The following IL4R variants were observed in gnomAD, a reference collection of about 807,000 sequenced individuals.
The protein encoded by IL4R is interleukin 4 receptor, also known as interleukin-4 receptor subunit alpha.
A neutral mutation model predicts 41.5 loss-of-function variants in IL4R; 17 were observed. That is an observed-to-expected ratio of 0.41 (90% CI 0.28 to 0.61). The LOEUF (loss-of-function observed/expected upper bound fraction) is 0.61. Ranked by LOEUF, IL4R falls within the 20% of genes least tolerant of loss-of-function variation. IL4R has a pLI of 0.31. For missense variants in IL4R, 974 were observed against 1,043.1 expected (o/e 0.93, Z 0.91); for synonymous variants, 402 against 422.9 (o/e 0.95, Z 0.61).
Position 27,362,537 on chromosome 16 carries a change from C to G in IL4R, c.1185C>G (p.Phe395Leu), listed in dbSNP as rs754878179. ...CGCCTGAGAGCAGCAGGGATGACTTCCAGGAGGGAAGGGAGGGCATTGTGG... is the reference window on the plus strand; with the variant it reads ...CGCCTGAGAGCAGCAGGGATGACTTGCAGGAGGGAAGGGAGGGCATTGTGG... ...CASPESSRDD[F>L]QEGREGIVAR... Residue 395 changes from phenylalanine to leucine, a missense_variant, in exon 11 of 11, where the codon TTC (phenylalanine) becomes TTG (leucine). Physicochemically the swap from Phe to Leu is conservative, Grantham distance 22. Transcript: ENST00000395762. 1.2e-6 allele frequency: 2 copies of G among 1,614,116 alleles called. No individual in the cohort carries two copies. The highest frequency in any genetic ancestry group is 1.7e-6 in the Non-Finnish European group (2 of 1,180,024).
chr16:27,342,233 G>T lies in IL4R; in HGVS notation c.183G>T (p.Leu61Phe), dbSNP rs763342416. ...PTNCSTELRL[L>F]YQLVFLLSEA... ...ATTGCAGCACCGAGCTCCGCCTGTT[G>T]TACCAGCTGGTTTTTCTGCTCTCCG... Residue 61 changes from leucine to phenylalanine, a missense_variant, in exon 4 of 11, where the codon TTG becomes TTT. This residue lies in a region of IL4R where 284 missense variants were observed against 313.4 expected (regional missense o/e 0.91). Coordinates refer to ENST00000395762, the MANE Select transcript of IL4R (RefSeq NM_000418.4). 5.6e-6 allele frequency: 9 copies of T among 1,614,230 alleles called. No individual in the cohort carries two copies. The East Asian group carries it at 1.6e-4, about 28-fold the overall frequency.
intron 6 of IL4R, among the ~76,000 whole-genome samples, chr16:27,346,998 C>G (rs946419048): frequency 2.0e-5 from 3 of 152,210 alleles, no homozygotes; most frequent in African/African-American, 7.2e-5. Context: ...TGACCCGTGT[C>G]AGTTCCCTTT....
rs559112235 is a variant in IL4R, at chr16:27,352,449, A to C, written c.514-91A>C. 125 of 1,057,256 alleles carry C rather than the reference A, an allele frequency of 1.2e-4. 2 individuals are homozygous for C. In the South Asian group the frequency reaches 1.7e-3, roughly 14 times the overall value. The allele number at this position is 1,057,256 out of a possible 1,614,324, so 65.5% of individuals were successfully genotyped here. ...ATACCCAGGCTGGTGGCTCTTAAAC[A>C]TGGTGGGGTCAGCTAACGACAGCAA... is the stretch of plus-strand genomic sequence containing the variant. On this transcript the variant is annotated intron_variant, in intron 6 of 10. Transcript: ENST00000395762.
At chr16:27,359,722 C>T (rs190835354) in intron 9 of IL4R, 1 of 440,818 alleles carries the variant, frequency 2.3e-6, no homozygotes, top group African/African-American at 2.0e-5. Context: ...ACAGTGTTTA[C>T]CTGGTAGGAC....
Position 27,363,655 on chromosome 16 carries a change from G to T in IL4R, c.2303G>T (p.Gly768Val). The T allele has an allele frequency of 6.2e-7, 1 of 1,613,828 alleles. No homozygotes were observed. The highest frequency in any genetic ancestry group is 8.5e-7 in the Non-Finnish European group (1 of 1,179,940). ...AGGGCCCCAGACCCCTCTCCAGGTGGGGTTCCACTGGAGGCCAGTCTGTGT... is the reference window on the plus strand; with the variant it reads ...AGGGCCCCAGACCCCTCTCCAGGTGTGGTTCCACTGGAGGCCAGTCTGTGT... ...PLRAPDPSPG[G>V]VPLEASLCPA... Residue 768 changes from glycine (G) to valine (V), a missense_variant, in exon 11 of 11, where the codon GGG becomes GTG. Physicochemically the swap from Gly to Val is moderately radical, Grantham distance 109 (BLOSUM62 -3). Around this residue, in one of 3 missense-constraint regions of IL4R, gnomAD observed 682 missense variants for 704.3 expected, o/e 0.97. Coordinates refer to ENST00000395762, the MANE Select transcript of IL4R (RefSeq NM_000418.4).
chr16:27,351,648 G>T (rs1343255066), intron 6 of IL4R, among the ~76,000 whole-genome samples: 4 of 151,938 alleles, frequency 2.6e-5, no homozygotes, highest in Non-Finnish European at 5.9e-5. Context: ...CTGAGTAGCT[G>T]GGATTACAGG....
intron 2 of IL4R, among the ~76,000 whole-genome samples, chr16:27,335,093 T>A (rs1294609011): frequency 2.6e-5 from 4 of 152,068 alleles, no homozygotes; most frequent in Admixed American, 6.6e-5. Context: ...GGTGTACATT[T>A]GTCTGACGTT....
chr16:27,327,040 T>C (rs2084974677), intron 1 of IL4R, among the ~76,000 whole-genome samples: 1 of 152,068 alleles, frequency 6.6e-6, no homozygotes, highest in South Asian at 2.1e-4. Context: ...TCTGGGCTGG[T>C]TTCTTATAAG....
At chr16:27,358,182 C>T (rs1438318318) in intron 8 of IL4R, among the ~76,000 whole-genome samples, 1 of 152,250 alleles carries the variant, frequency 6.6e-6, no homozygotes, top group African/African-American at 2.4e-5. Flanking sequence ...GCGTGAGCCA[C>T]CATGCCTGGC....
At chr16:27,327,307 T>TCCGCCCCCTGCCCC in intron 1 of IL4R, among the ~76,000 whole-genome samples, 1 of 152,026 alleles carries the variant, frequency 6.6e-6, no homozygotes, top group South Asian at 2.1e-4. Context: ...CCCCCAGTCC[T>TCCGCCCCCTGCCCC]CCGCCCCCTG....
Position 27,338,025 on chromosome 16 carries a change from C to T in IL4R, c.-18-2161C>T, listed in dbSNP as rs1429093190. On this transcript the variant is annotated intron_variant, in intron 2 of 10. Transcript: ENST00000395762. Reference sequence around the variant, plus strand: ...AGGCTGGAGTGCAATGGCATGGTCTCGGCTCGCTGCAACCTCCGCCTCCTG... The same window carrying T: ...AGGCTGGAGTGCAATGGCATGGTCTTGGCTCGCTGCAACCTCCGCCTCCTG... Among the ~76,000 whole-genome samples the T allele has an allele frequency of 5.4e-5, 8 of 148,734 alleles. No individual in the cohort carries two copies. In the East Asian group the frequency reaches 7.9e-4, roughly 15 times the overall value.
chr16:27,339,375 A>G (rs954729078), intron 2 of IL4R, among the ~76,000 whole-genome samples: 1 of 152,074 alleles, frequency 6.6e-6, no homozygotes, highest in Non-Finnish European at 1.5e-5. Context: ...TATATGGACT[A>G]AGCTGACTTG....
rs746566650 is a variant in IL4R, at chr16:27,340,209, G to T, written c.6G>T (p.Gly2=). 1.2e-6 allele frequency: 2 copies of T among 1,613,648 alleles called. No individual in the cohort carries two copies. Among genetic ancestry groups the T allele is most frequent in the Non-Finnish European group, 1.7e-6 (2 of 1,179,910 alleles). The part of the protein sequence containing the change: M[G]WLCSGLLFPV... ...AGGTGCCTTGGCATCTCCCAATGGG[G>T]TGGCTTTGCTCTGGGCTCCTGTTCC... The change falls in exon 3 of 11, where the codon GGG becomes GGT. Residue 2 remains glycine (G), a synonymous_variant. Coordinates refer to ENST00000395762, the MANE Select transcript of IL4R (RefSeq NM_000418.4).
Position 27,352,688 on chromosome 16 carries a change from G to A in IL4R, c.662G>A (p.Trp221Ter), listed in dbSNP as rs1450374893. The change falls in exon 7 of 11, where the codon TGG (tryptophan) becomes TAG (stop). Residue 221 changes from tryptophan (W) to a stop codon, truncating the protein, a stop_gained. Transcript: ENST00000395762. LOFTEE classifies it high-confidence loss of function. The part of the protein sequence containing the change: ...TWSEWSPSTK[W>*]HNSYREPFEQ... ...AGTGAGTGGAGCCCCAGCACCAAGT[G>A]GCACAACTGTGAGTATCAAGAGGCC... 1 of 1,614,108 alleles carries A rather than the reference G, an allele frequency of 6.2e-7. No individual in the cohort carries two copies. Among genetic ancestry groups the A allele is most frequent in the Non-Finnish European group, 8.5e-7 (1 of 1,179,978 alleles).
In IL4R at chr16:27,344,949, A is replaced by G. The variant is rs1443565192; in HGVS notation, c.290A>G (p.Asp97Gly). The G allele has an allele frequency of 6.2e-7, 1 of 1,613,990 alleles. No individual in the cohort carries two copies. The highest frequency in any genetic ancestry group is 8.5e-7 in the Non-Finnish European group (1 of 1,180,026). ...CTCATGGATGACGTGGTCAGTGCGG[A>G]TAACTATACACTGGACCTGTGGGCT... ...HLLMDDVVSA[D>G]NYTLDLWAGQ... Residue 97 changes from aspartate to glycine, a missense_variant, in exon 5 of 11, where the codon GAT (aspartate) becomes GGT (glycine). Physicochemically the swap from Asp to Gly is moderately conservative, Grantham distance 94. Coordinates refer to ENST00000395762, the MANE Select transcript of IL4R (RefSeq NM_000418.4).
At chr16:27,320,607 G>C (rs2084786696) in intron 1 of IL4R, among the ~76,000 whole-genome samples, 1 of 152,230 alleles carries the variant, frequency 6.6e-6, no homozygotes, top group Admixed American at 6.5e-5. Flanking sequence ...CCACGGTTCT[G>C]AGCTATCCAG....
upstream of IL4R, chr16:27,313,872 G>A: frequency 1.0e-6 from 1 of 973,170 alleles, no homozygotes; most frequent in Non-Finnish European, 1.2e-6. Context: ...CAAATCTGCC[G>A]GGCGCCGGGG....
At chr16:27,354,837 G>A (rs1374231078) in intron 7 of IL4R, among the ~76,000 whole-genome samples, 1 of 152,220 alleles carries the variant, frequency 6.6e-6, no homozygotes, top group African/African-American at 2.4e-5. Flanking sequence ...TGAGCCACGT[G>A]TCTCCTGCCC....
chr16:27,341,059 A>G (rs2085425765), intron 3 of IL4R: 2 of 661,266 alleles, frequency 3.0e-6, no homozygotes, highest in Middle Eastern at 2.5e-4. Flanking sequence ...ATCATCCATT[A>G]TGTTCCAAAG....
Sources: gnomAD v4.1 joint callset for allele counts (sites outside exome capture counted in the v4.1 genomes callset) on GRCh38, gnomAD v4.1.1 for gene constraint, gnomAD v4.1.1 regional missense constraint, MANE v1.5 for transcripts, NCBI Gene and HGNC (gene_info 2026-07-23, HGNC 2026-07-21) for gene names.